The following PAFAH1B1 variants were observed in gnomAD, a reference collection of about 807,000 sequenced individuals.
PAFAH1B1 encodes platelet-activating factor acetylhydrolase IB subunit beta.
PAFAH1B1 carries 2 observed loss-of-function variants against 57.5 expected under a neutral mutation model. The ratio of observed to expected loss-of-function variants is 0.03; its 90% CI spans 0.01 to 0.11. The LOEUF (loss-of-function observed/expected upper bound fraction) is 0.11, where lower values mean the gene tolerates loss of function less well. Ranked by LOEUF, PAFAH1B1 falls within the 10% of genes least tolerant of loss-of-function variation. The probability of loss-of-function intolerance (pLI) is 1.00; values close to 1 mark genes in which losing one functional copy is unlikely to be tolerated. For missense variants in PAFAH1B1, 257 were observed against 512.0 expected, an observed-to-expected ratio of 0.50 and a Z score of 4.81; for synonymous variants, 152 against 169.6, an observed-to-expected ratio of 0.90 and a Z score of 0.81.
intron 1 of PAFAH1B1, among the ~76,000 whole-genome samples, chr17:2,637,672 T>G (rs1281388895): frequency 6.6e-6 from 1 of 152,228 alleles, no homozygotes; most frequent in African/African-American, 2.4e-5. Flanking sequence ...ACCTTGAAGG[T>G]TACTTCAGTT....
intron 1 of PAFAH1B1, among the ~76,000 whole-genome samples, chr17:2,624,418 C>G (rs561768525): frequency 3.4e-4 from 52 of 152,224 alleles, no homozygotes; most frequent in African/African-American, 1.2e-3. Context: ...TACAGACATA[C>G]CCGAAACTGG....
rs1222294042 is a variant in PAFAH1B1 at position 2,638,081 on chromosome 17, T to C, written c.-190-18T>C. The C allele has an allele frequency of 4.1e-6, 2 of 485,766 alleles. No homozygotes were observed. The highest frequency in any genetic ancestry group is 4.6e-5 in the South Asian group (1 of 21,966). 30.1% of individuals were successfully genotyped at this position (485,766 alleles called of 1,614,324 possible). A position where few individuals can be genotyped will look rare whatever the true frequency, so the allele number is the denominator to read the frequency against. ...TTTTAAGTGAAATAATCTTTTTTTT[T>C]CTTCTCTTTCTCCTTAGGTGGAATG... On this transcript the variant is annotated intron_variant, in intron 1 of 10. Transcript: ENST00000397195.
chr17:2,647,642 C>T (rs1181155779), intron 2 of PAFAH1B1, among the ~76,000 whole-genome samples: 1 of 152,186 alleles, frequency 6.6e-6, no homozygotes, highest in African/African-American at 2.4e-5. Flanking sequence ...AAACATTGCT[C>T]ATTGCCAAAT....
At chr17:2,631,876 C>T (rs1169846691) in intron 1 of PAFAH1B1, among the ~76,000 whole-genome samples, 1 of 152,132 alleles carries the variant, frequency 6.6e-6, no homozygotes, top group African/African-American at 2.4e-5. Context: ...TCCTTTAATT[C>T]CTCTCCTTCT....
At chr17:2,664,665 G>GCGCTCTCTCTCTCTCCCTCTCTCTCT in intron 2 of PAFAH1B1, among the ~76,000 whole-genome samples, 1 of 86,028 alleles carries the variant, frequency 1.2e-5, no homozygotes, top group Non-Finnish European at 2.6e-5. Flanking sequence ...TCTATCTATC[G>GCGCTCTCTCTCTCTCCCTCTCTCTCT]CTCTCTCTCT....
At chr17:2,620,100 T>C (rs1366299190) in intron 1 of PAFAH1B1, among the ~76,000 whole-genome samples, 1 of 152,192 alleles carries the variant, frequency 6.6e-6, no homozygotes, top group African/African-American at 2.4e-5. Context: ...TCATAAATGC[T>C]ACTTGATAAA....
At chr17:2,640,725 G>A (rs1356869534) in intron 2 of PAFAH1B1, 1 of 151,794 alleles carries the variant, frequency 6.6e-6, no homozygotes, top group African/African-American at 2.4e-5. Context: ...TGCTCATATT[G>A]TACTTTTCTA....
At chr17:2,645,857 A>C (rs1203171363) in intron 2 of PAFAH1B1, among the ~76,000 whole-genome samples, 1 of 150,240 alleles carries the variant, frequency 6.7e-6, no homozygotes, top group African/African-American at 2.4e-5. Context: ...ACCCGCCTGG[A>C]CCTCCCAAAG....
intron 1 of PAFAH1B1, among the ~76,000 whole-genome samples, chr17:2,636,845 G>C (rs1278856540): frequency 6.6e-6 from 1 of 151,928 alleles, no homozygotes; most frequent in African/African-American, 2.4e-5. Context: ...CATTCCTCCT[G>C]CCTTAGCTTC....
chr17:2,643,865 C>G (rs1437598099), intron 2 of PAFAH1B1, among the ~76,000 whole-genome samples: 1 of 152,058 alleles, frequency 6.6e-6, no homozygotes, highest in Non-Finnish European at 1.5e-5. Context: ...CGGCCCACAC[C>G]TGGCTCTTTT....
chr17:2,636,561 G>A (rs898359378), intron 1 of PAFAH1B1, among the ~76,000 whole-genome samples: 1 of 152,068 alleles, frequency 6.6e-6, no homozygotes, highest in Admixed American at 6.6e-5. Context: ...GCAATTTCTC[G>A]CAAATTTTTG....
intron 5 of PAFAH1B1, among the ~76,000 whole-genome samples, chr17:2,669,265 ATT>A (rs563171022): frequency 2.1e-5 from 3 of 142,582 alleles, no homozygotes; most frequent in Admixed American, 1.4e-4. Context: ...AGCAATTAGA[ATT>A]TTTTTTTTTT....
chr17:2,679,406 TTGGATGGATGGATAGA>T (rs1263494146), intron 9 of PAFAH1B1, among the ~76,000 whole-genome samples: 1 of 141,610 alleles, frequency 7.1e-6, no homozygotes, highest in African/African-American at 2.7e-5. Context: ...GGATGGATGA[TTGGATGGATGGATAGA>T]TGGATGATTG....
intron 2 of PAFAH1B1, among the ~76,000 whole-genome samples, chr17:2,647,756 G>A (rs1316355852): frequency 6.6e-6 from 1 of 152,130 alleles, no homozygotes; most frequent in East Asian, 1.9e-4. Flanking sequence ...TGTAATCCCA[G>A]CACTTTGGGA....
intron 1 of PAFAH1B1, among the ~76,000 whole-genome samples, chr17:2,602,868 G>T (rs1306752466): frequency 6.6e-6 from 1 of 152,232 alleles, no homozygotes; most frequent in Non-Finnish European, 1.5e-5. Context: ...TTTGTAAGTA[G>T]CAGAGCTGAA....
chr17:2,624,146 A>G (rs2068459358), intron 1 of PAFAH1B1, among the ~76,000 whole-genome samples: 1 of 151,940 alleles, frequency 6.6e-6, no homozygotes, highest in Non-Finnish European at 1.5e-5. Context: ...TTCCCAACGA[A>G]CTCCTCATTT....
chr17:2,615,812 G>A (rs2068332464), intron 1 of PAFAH1B1, among the ~76,000 whole-genome samples: 1 of 152,200 alleles, frequency 6.6e-6, no homozygotes, highest in East Asian at 1.9e-4. Flanking sequence ...ACACATCTGG[G>A]ATGAAGATTG....
intron 1 of PAFAH1B1, among the ~76,000 whole-genome samples, chr17:2,606,490 G>A (rs2068205473): frequency 6.6e-6 from 1 of 151,944 alleles, no homozygotes; most frequent in South Asian, 2.1e-4. Context: ...AGCATCCTGA[G>A]TAGCTGGAAT....
At chr17:2,660,596 TG>T (rs2069002106) in intron 2 of PAFAH1B1, among the ~76,000 whole-genome samples, 3 of 152,238 alleles carry the variant, frequency 2.0e-5, no homozygotes, top group Admixed American at 2.0e-4. Flanking sequence ...TTCCTTTTTA[TG>T]GCTGCATAGT....
Sources: gnomAD v4.1 joint callset for allele counts (sites outside exome capture counted in the v4.1 genomes callset) on GRCh38, gnomAD v4.1.1 for gene constraint, MANE v1.5 for transcripts, NCBI Gene and HGNC (gene_info 2026-07-23, HGNC 2026-07-21) for gene names.